KLF12: variants seen among roughly 807,000 people sequenced by gnomAD.
The protein encoded by KLF12 is KLF transcription factor 12, also known as Krueppel-like factor 12.
KLF12 carries 9 observed loss-of-function variants against 37.8 expected under a neutral mutation model. The ratio of observed to expected loss-of-function variants is 0.24; its 90% CI spans 0.14 to 0.42. The LOEUF (loss-of-function observed/expected upper bound fraction) is 0.42, where lower values mean the gene tolerates loss of function less well. KLF12 is among the 10% of genes least tolerant of loss of function. The pLI is 1.00. For synonymous variants in KLF12, 208 were observed against 202.1 expected, an observed-to-expected ratio of 1.03 and a Z score of -0.25; for missense variants, 411 against 516.0, an observed-to-expected ratio of 0.80 and a Z score of 1.97.
intron 3 of KLF12, among the ~76,000 whole-genome samples, chr13:73,905,898 T>C (rs1436485477): frequency 6.6e-6 from 1 of 152,178 alleles, no homozygotes; most frequent in Non-Finnish European, 1.5e-5. Flanking sequence ...TTACTTCATT[T>C]CACCTTCCCA....
chr13:74,025,658 T>C (rs1364682946), intron 1 of KLF12, among the ~76,000 whole-genome samples: 4 of 152,100 alleles, frequency 2.6e-5, no homozygotes, highest in African/African-American at 9.7e-5. Context: ...TACTAACATA[T>C]ACTGAGGTAA....
chr13:73,963,144 T>C (rs1891070254), intron 2 of KLF12, among the ~76,000 whole-genome samples: 1 of 152,174 alleles, frequency 6.6e-6, no homozygotes, highest in African/African-American at 2.4e-5. Context: ...GTATACTTAT[T>C]AAATAAAAGA....
chr13:74,043,278 A>G (rs188461434), intron 1 of KLF12, among the ~76,000 whole-genome samples: 1 of 152,360 alleles, frequency 6.6e-6, no homozygotes, highest in East Asian at 1.9e-4. Flanking sequence ...AAATGCTTCA[A>G]AGGAATATGT....
chr13:73,714,100 CCT>C (rs1049478091), intron 7 of KLF12, among the ~76,000 whole-genome samples: 8 of 152,066 alleles, frequency 5.3e-5, no homozygotes, highest in South Asian at 2.1e-4. Flanking sequence ...CAGATAAAAA[CCT>C]CTCTTTGGGA....
At chr13:74,255,119 A>G in the KLF12 span, among the ~76,000 whole-genome samples, 3 of 152,216 alleles carry the variant, frequency 2.0e-5, no homozygotes, top group Non-Finnish European at 4.4e-5. Context: ...TAAAAATAAT[A>G]TATCTTCTGT....
chr13:74,155,377 TC>T, the KLF12 span, among the ~76,000 whole-genome samples: 8 of 151,560 alleles, frequency 5.3e-5, no homozygotes, highest in East Asian at 3.9e-4. Context: ...TTGTTTTTTT[TC>T]TAGACAGGGT....
chr13:74,065,455 T>C (rs1324909), intron 1 of KLF12, among the ~76,000 whole-genome samples: 56,925 of 100,760 alleles, frequency 0.56, 11,306 homozygotes, highest in Admixed American at 0.61. Flanking sequence ...TTTACCTCTA[T>C]AAGAGTCCCC....
At chr13:74,154,175 C>T in the KLF12 span, among the ~76,000 whole-genome samples, 1 of 151,020 alleles carries the variant, frequency 6.6e-6, no homozygotes, top group East Asian at 1.9e-4. Context: ...GCAGAGGTTG[C>T]AGTGAGCCGA....
chr13:74,181,578 A>G, the KLF12 span, among the ~76,000 whole-genome samples: 1 of 151,756 alleles, frequency 6.6e-6, no homozygotes, highest in Non-Finnish European at 1.5e-5. Flanking sequence ...GCATGCCTGT[A>G]GTCTCAGCTA....
At chr13:74,176,321 C>A in the KLF12 span, among the ~76,000 whole-genome samples, 2 of 152,134 alleles carry the variant, frequency 1.3e-5, no homozygotes, top group Non-Finnish European at 2.9e-5. Context: ...TCCCAACAGA[C>A]AATTTTCTAC....
At chr13:74,255,024 G>C in the KLF12 span, among the ~76,000 whole-genome samples, 6,204 of 152,226 alleles carry the variant, frequency 0.041, 287 homozygotes, top group African/African-American at 0.11. Context: ...TTGGAGAAAA[G>C]ATTGGTGCCT....
intron 3 of KLF12, among the ~76,000 whole-genome samples, chr13:73,871,874 G>A (rs1886487816): frequency 1.3e-5 from 2 of 152,090 alleles, no homozygotes; most frequent in African/African-American, 2.4e-5. Flanking sequence ...CTTATAAGAC[G>A]GCGAGCTCCT....
chr13:74,191,385 C>T, the KLF12 span, among the ~76,000 whole-genome samples: 1 of 152,142 alleles, frequency 6.6e-6, no homozygotes, highest in South Asian at 2.1e-4. Flanking sequence ...ATGCCCAAAG[C>T]CCTGAAAAAT....
intron 3 of KLF12, among the ~76,000 whole-genome samples, chr13:73,919,681 T>C (rs1238415995): frequency 1.3e-5 from 2 of 152,194 alleles, no homozygotes; most frequent in Admixed American, 6.5e-5. Flanking sequence ...CGCCATATTG[T>C]TGTGAATCAA....
chr13:73,998,168 T>C (rs1892171130), intron 1 of KLF12, among the ~76,000 whole-genome samples: 1 of 152,182 alleles, frequency 6.6e-6, no homozygotes, highest in Non-Finnish European at 1.5e-5. Flanking sequence ...CTTTAACAAA[T>C]AAGCAGCTAC....
At chr13:74,263,428 A>G in the KLF12 span, among the ~76,000 whole-genome samples, 3 of 152,250 alleles carry the variant, frequency 2.0e-5, no homozygotes, top group African/African-American at 4.8e-5. Flanking sequence ...GTAGAAGAGC[A>G]TATAGAATTG....
chr13:74,195,011 T>A, the KLF12 span, among the ~76,000 whole-genome samples: 2 of 152,174 alleles, frequency 1.3e-5, no homozygotes, highest in East Asian at 3.9e-4. Flanking sequence ...GCTTAGCAGA[T>A]GGGGTGAAAA....
intron 1 of KLF12, among the ~76,000 whole-genome samples, chr13:74,066,479 T>C (rs550653333): frequency 1.4e-4 from 22 of 152,004 alleles, no homozygotes; most frequent in Admixed American, 1.1e-3. Flanking sequence ...CTGGGCAACA[T>C]AGCGAGACCT....
At chr13:74,038,975 C>T (rs56061374) in intron 1 of KLF12, among the ~76,000 whole-genome samples, 164 of 151,766 alleles carry the variant, frequency 1.1e-3, no homozygotes, top group African/African-American at 3.6e-3. Flanking sequence ...AAATTAACCT[C>T]GAATAGCCAT....
Sources: gnomAD v4.1 joint callset for allele counts (sites outside exome capture counted in the v4.1 genomes callset) on GRCh38, gnomAD v4.1.1 for gene constraint, MANE v1.5 for transcripts, NCBI Gene and HGNC (gene_info 2026-07-23, HGNC 2026-07-21) for gene names.